PRDX1: variants seen among roughly 807,000 people sequenced by gnomAD.
The protein encoded by PRDX1 is peroxiredoxin 1.
A neutral mutation model predicts 20.7 loss-of-function variants in PRDX1; 19 were observed. That is an observed-to-expected ratio of 0.92 (90% CI 0.64 to 1.35). The LOEUF is 1.35. Among genes scored for constraint, PRDX1 ranks in the 40% most tolerant of loss-of-function variants. The pLI, the probability that PRDX1 is intolerant of heterozygous loss-of-function variation, is 0.00. For missense variants in PRDX1, 226 were observed against 240.0 expected, an observed-to-expected ratio of 0.94 and a Z score of 0.38; for synonymous variants, 89 against 83.9, an observed-to-expected ratio of 1.06 and a Z score of -0.33.
intron 5 of PRDX1, among the ~76,000 whole-genome samples, chr1:45,514,005 G>A (rs1643808694): frequency 6.6e-6 from 1 of 152,182 alleles, no homozygotes; most frequent in Admixed American, 6.5e-5. Flanking sequence ...TCTGTCTCCA[G>A]CCAGTCCCTG....
In PRDX1 at chr1:45,515,821, C is replaced by T. The variant is rs1439404625; in HGVS notation, c.107-14G>A. 1.9e-6 allele frequency: 3 copies of T among 1,544,708 alleles called. No homozygotes were observed. Among genetic ancestry groups the T allele is most frequent in the East Asian group, 2.4e-5 (1 of 41,664 alleles). ...CAACATATTTTCCTGGGGGGAAAAT[C>T]GGAGTCATGGTTAGCATTTGACACA... On this transcript the variant is annotated splice_polypyrimidine_tract_variant and intron_variant, in intron 2 of 5. Transcript: ENST00000319248.
chr1:45,518,467 CAAAA>C (rs35407028), intron 2 of PRDX1, among the ~76,000 whole-genome samples: 4 of 48,052 alleles, frequency 8.3e-5, no homozygotes, highest in Non-Finnish European at 1.1e-4. Flanking sequence ...AACTCCATCT[CAAAA>C]AAAAAAAAAA....
intron 5 of PRDX1, chr1:45,513,448 AAGAG>A (rs1389440708): frequency 6.6e-6 from 1 of 152,212 alleles, no homozygotes; most frequent in African/African-American, 2.4e-5. Flanking sequence ...TCAATTTATG[AAGAG>A]AGATACCCAT....
intron 1 of PRDX1, among the ~76,000 whole-genome samples, chr1:45,521,361 G>A (rs1321602553): frequency 6.6e-6 from 1 of 152,186 alleles, no homozygotes; most frequent in Non-Finnish European, 1.5e-5. Context: ...CCACGTACAG[G>A]AAAATAAAGA....
rs766166849 is a variant in PRDX1 at position 45,514,895 on chromosome 1, C to T, written c.361G>A (p.Ala121Thr). Reference sequence around the variant, plus strand: ...TACCTGAACGAGATGCCTTCATCAGCCTTTAAGACCCCATAATCCTGAGCA... The same window carrying T: ...TACCTGAACGAGATGCCTTCATCAGTCTTTAAGACCCCATAATCCTGAGCA... ...TIAQDYGVLK[A>T]DEGISFRGLF... The change falls in exon 4 of 6, where the codon GCT becomes ACT. Residue 121 changes from alanine (A) to threonine (T), a missense_variant. Ala to Thr is a moderately conservative substitution (Grantham distance 58). Coordinates refer to ENST00000319248, the MANE Select transcript of PRDX1 (RefSeq NM_181697.3). 65 of 1,614,046 alleles carry T rather than the reference C, an allele frequency of 4.0e-5. No individual in the cohort carries two copies. In the East Asian group the frequency reaches 1.2e-3, roughly 30 times the overall value.
Position 45,511,208 on chromosome 1 carries a change from TA to T in PRDX1, c.*120del. The T allele has an allele frequency of 1.2e-6, 1 of 862,730 alleles. No homozygotes were observed. The highest frequency in any genetic ancestry group is 1.8e-6 in the Non-Finnish European group (1 of 556,092). The allele number at this position is 862,730 out of a possible 1,614,324, so 53.4% of individuals were successfully genotyped here. ...CCCCCTGTAGGAAAGGCCTGCCTTGTAAGACACCACAATTCGGCTGAATCTG... is the reference window on the plus strand; with the variant it reads ...CCCCCTGTAGGAAAGGCCTGCCTTGTAGACACCACAATTCGGCTGAATCTG... On this transcript the variant is annotated 3_prime_UTR_variant, in exon 6 of 6. Coordinates refer to ENST00000319248, the MANE Select transcript of PRDX1 (RefSeq NM_181697.3).
At chr1:45,517,138 G>C (rs1216437941) in intron 2 of PRDX1, among the ~76,000 whole-genome samples, 1 of 151,868 alleles carries the variant, frequency 6.6e-6, no homozygotes, top group Non-Finnish European at 1.5e-5. Context: ...AAGCACTTTG[G>C]GGCCTCAGCA....
intron 5 of PRDX1, chr1:45,513,411 C>T (rs955011064): frequency 6.6e-6 from 1 of 152,254 alleles, no homozygotes; most frequent in African/African-American, 2.4e-5. Context: ...TACCCTCACC[C>T]TCACAACACA....
intron 2 of PRDX1, among the ~76,000 whole-genome samples, chr1:45,516,550 A>C (rs1557614295): frequency 6.6e-6 from 1 of 152,240 alleles, no homozygotes; most frequent in African/African-American, 2.4e-5. Context: ...CTAGTGAGTA[A>C]CAGAACTTCT....
At position 45,514,518 on chromosome 1, in the gene PRDX1, T is replaced by A. The variant is rs777677321; in HGVS notation, c.503A>T (p.Lys168Ile). 3 of 1,614,152 alleles carry A rather than the reference T, an allele frequency of 1.9e-6. No homozygotes were observed. Among genetic ancestry groups the A allele is most frequent in the Non-Finnish European group, 2.5e-6 (3 of 1,180,020 alleles). ...RLVQAFQFTD[K>I]HGEVCPAGWK... is the part of the protein sequence containing the mutation. ...GACAGATGGCTTACCTTCCCCATGT[T>A]TGTCAGTGAACTGGAAGGCCTGAAC... The change falls in exon 5 of 6, where the codon AAA becomes ATA. Residue 168 changes from lysine to isoleucine, a missense_variant. By Grantham distance (102) the Lys-to-Ile change is moderately radical (BLOSUM62 -3). Transcript: ENST00000319248.
chr1:45,521,640 TG>T, intron 1 of PRDX1, 188 bp downstream of exon 1: 1 of 152,166 alleles, frequency 6.6e-6, no homozygotes, highest in Non-Finnish European at 1.5e-5. Flanking sequence ...CGCACCTACG[TG>T]GGGGGCCCAC....
intron 4 of PRDX1, 91 bp from the exon 5 acceptor site, chr1:45,514,728 G>A: frequency 1.3e-6 from 2 of 1,579,010 alleles, no homozygotes; most frequent in Non-Finnish European, 1.7e-6. Flanking sequence ...AAATGGACTG[G>A]TCTCCACACT....
chr1:45,515,653 C>T lies in PRDX1; in HGVS notation c.260+1G>A. 1 of 1,523,136 alleles carries T rather than the reference C, an allele frequency of 6.6e-7. No individual in the cohort carries two copies. The highest frequency in any genetic ancestry group is 8.8e-7 in the Non-Finnish European group (1 of 1,132,312). The allele number at this position is 1,523,136 out of a possible 1,614,324, so 94.4% of individuals were successfully genotyped here. A position where few individuals can be genotyped will look rare whatever the true frequency, so the allele number is the denominator to read the frequency against. On this transcript the variant is annotated splice_donor_variant, in intron 3 of 5. Coordinates refer to ENST00000319248, the MANE Select transcript of PRDX1 (RefSeq NM_181697.3). LOFTEE classifies it high-confidence loss of function. ...CATGCCAAATAGACCAAGAGATTTA[C>T]CATGCTAGATGACAGAAGTGAGAAT...
chr1:45,514,288 A>G (rs971691189), intron 5 of PRDX1, among the ~76,000 whole-genome samples: 1 of 152,062 alleles, frequency 6.6e-6, no homozygotes, highest in African/African-American at 2.4e-5. Flanking sequence ...AACACCCAAG[A>G]ATGATCAATA....
At chr1:45,517,386 G>T (rs904444834) in intron 2 of PRDX1, among the ~76,000 whole-genome samples, 2 of 152,118 alleles carry the variant, frequency 1.3e-5, no homozygotes, top group Admixed American at 6.5e-5. Flanking sequence ...GCATTCTAAG[G>T]AATCTATATC....
At chr1:45,513,905 A>G (rs1264225883) in intron 5 of PRDX1, among the ~76,000 whole-genome samples, 1 of 152,102 alleles carries the variant, frequency 6.6e-6, no homozygotes, top group African/African-American at 2.4e-5. Flanking sequence ...GAAAGACCTG[A>G]CCGGGGTCCC....
chr1:45,511,330 C>T lies in PRDX1; in HGVS notation c.599G>A (p.Ter200=). ...CCTGGCACTAAAACAGCCCAGCGCT[C>T]ACTTCTGCTTGGAGAAATATTCTTT... ...KSKEYFSKQK[*] Residue 200 remains the stop codon, a stop_retained_variant, in exon 6 of 6, where the codon TGA becomes TAA. Transcript: ENST00000319248. 5 of 1,609,438 alleles carry T rather than the reference C, an allele frequency of 3.1e-6. No homozygotes were observed. The highest frequency in any genetic ancestry group is 4.2e-6 in the Non-Finnish European group (5 of 1,177,616).
chr1:45,520,812 A>G (rs4660867), intron 1 of PRDX1, among the ~76,000 whole-genome samples: 106,551 of 147,880 alleles, frequency 0.72, 38,355 homozygotes, highest in East Asian at 0.91. Context: ...GCTGAGGCAG[A>G]AGAATTGCTT....
rs778689778 is a variant in PRDX1 at position 45,514,649 on chromosome 1, G to C, written c.384-12C>G. The C allele has an allele frequency of 1.2e-6, 2 of 1,613,332 alleles. No individual in the cohort carries two copies. The highest frequency in any genetic ancestry group is 2.2e-5 in the East Asian group (1 of 44,894). On this transcript the variant is annotated splice_polypyrimidine_tract_variant and intron_variant, in intron 4 of 5. Transcript: ENST00000319248. The stretch of plus-strand genomic sequence containing the variant: ...TGATAAAAAGGCCCCTGGGAAAAGA[G>C]ATGAAAGGAAAAGCAATACAGGTTT...
Sources: allele counts gnomAD v4.1 joint callset (sites outside exome capture counted in the v4.1 genomes callset), GRCh38; gene constraint gnomAD v4.1.1; transcripts MANE v1.5; gene names NCBI Gene and HGNC (gene_info 2026-07-23, HGNC 2026-07-21).